The following SNX8 variants were observed in gnomAD, a reference collection of about 807,000 sequenced individuals.
SNX8 encodes sorting nexin-8.
Under a neutral mutation model 51.6 loss-of-function variants are expected in SNX8, and 25 were observed. That is an observed-to-expected ratio of 0.48 (90% CI 0.35 to 0.68). The LOEUF is 0.68. Ranked by LOEUF, SNX8 falls within the 30% of genes least tolerant of loss-of-function variation. SNX8 has a pLI of 0.00. For synonymous variants in SNX8, 324 were observed against 277.0 expected, an observed-to-expected ratio of 1.17 and a Z score of -1.68; for missense variants, 695 against 624.0, an observed-to-expected ratio of 1.11 and a Z score of -1.21.
intron 1 of SNX8, among the ~76,000 whole-genome samples, chr7:2,352,961 G>A (rs1028607784): frequency 6.6e-6 from 1 of 152,174 alleles, no homozygotes; most frequent in Non-Finnish European, 1.5e-5. Flanking sequence ...CCTGGTACTA[G>A]GCATGGGAAG....
intron 1 of SNX8, among the ~76,000 whole-genome samples, chr7:2,340,852 T>C (rs1161495514): frequency 2.3e-5 from 2 of 88,114 alleles, no homozygotes; most frequent in Non-Finnish European, 4.4e-5. Context: ...GGGAGGCTGC[T>C]TCTCAAAAAA....
rs551426205 is a variant in SNX8, at chr7:2,264,218, C to T, written c.782+80G>A. ...AGGATGCTGGTTATTACGGTAAACG[C>T]ACTTTCCGCCCAAGCCCTTCACCAG... On this transcript the variant is annotated intron_variant, in intron 6 of 10. Coordinates refer to ENST00000222990, the MANE Select transcript of SNX8 (RefSeq NM_013321.4). 5 of 1,405,148 alleles carry T rather than the reference C, an allele frequency of 3.6e-6. No individual in the cohort carries two copies. The East Asian group carries it at 1.2e-4, about 33-fold the overall frequency. 87.0% of individuals were successfully genotyped at this position (1,405,148 alleles called of 1,614,324 possible).
At chr7:2,303,213 GC>G (rs1283025632) in intron 1 of SNX8, among the ~76,000 whole-genome samples, 2 of 128,624 alleles carry the variant, frequency 1.6e-5, no homozygotes, top group African/African-American at 6.1e-5. Flanking sequence ...CCGGCCAGCC[GC>G]CCCGTCCAGG....
At chr7:2,328,359 T>C (rs185167760) in intron 1 of SNX8, among the ~76,000 whole-genome samples, 132 of 151,942 alleles carry the variant, frequency 8.7e-4, no homozygotes, top group African/African-American at 2.9e-3. Flanking sequence ...GCCTGGCCTG[T>C]TTTTTTATTT....
At position 2,269,599 on chromosome 7, in the gene SNX8, C is replaced by G. The variant is rs1795593471; in HGVS notation, c.581G>C (p.Gly194Ala). 1 of 1,602,128 alleles carries G rather than the reference C, an allele frequency of 6.2e-7. No homozygotes were observed. The highest frequency in any genetic ancestry group is 1.1e-5 in the South Asian group (1 of 89,062). ...CAGCTTACAGTTCAGGAATTCGTCCCCGACGCACTGTGCTGACTCCTTTAA... is the reference window on the plus strand; with the variant it reads ...CAGCTTACAGTTCAGGAATTCGTCCGCGACGCACTGTGCTGACTCCTTTAA... ...NKLKESAQCV[G>A]DEFLNCKLAT... Residue 194 changes from glycine to alanine, a missense_variant, in exon 5 of 11, where the codon GGG (glycine) becomes GCG (alanine). By Grantham distance (60) the Gly-to-Ala change is moderately conservative. Transcript: ENST00000222990.
intron 1 of SNX8, among the ~76,000 whole-genome samples, chr7:2,330,400 G>T (rs1172539712): frequency 6.6e-6 from 1 of 152,056 alleles, no homozygotes; most frequent in Non-Finnish European, 1.5e-5. Context: ...GGCCTCCAAA[G>T]TGCTGGGATT....
intron 5 of SNX8, among the ~76,000 whole-genome samples, chr7:2,266,185 G>A (rs953048654): frequency 1.3e-5 from 2 of 152,010 alleles, no homozygotes; most frequent in Non-Finnish European, 2.9e-5. Context: ...TTTTTTTGTT[G>A]TTGTTGTTGT....
upstream of SNX8, chr7:2,354,364 A>G (rs368241000): frequency 1.6e-4 from 24 of 152,052 alleles, no homozygotes; most frequent in Admixed American, 5.2e-4. Context: ...GACAGGGGGG[A>G]CTTTAGTAAC....
chr7:2,352,265 G>A (rs998498547), intron 1 of SNX8, among the ~76,000 whole-genome samples: 1 of 151,814 alleles, frequency 6.6e-6, no homozygotes, highest in East Asian at 1.9e-4. Flanking sequence ...GTCCACTCTC[G>A]TCCACTTTGA....
chr7:2,326,889 T>C (rs929481828), intron 1 of SNX8, among the ~76,000 whole-genome samples: 1 of 152,102 alleles, frequency 6.6e-6, no homozygotes, highest in Non-Finnish European at 1.5e-5. Flanking sequence ...GCAGATCACT[T>C]GAGCTCATAA....
At chr7:2,343,347 T>C (rs904858431) in intron 1 of SNX8, among the ~76,000 whole-genome samples, 2 of 151,978 alleles carry the variant, frequency 1.3e-5, no homozygotes, top group African/African-American at 2.4e-5. Context: ...TTTTAACATA[T>C]ACAAAGTTTA....
chr7:2,349,818 A>G (rs1779104511), intron 1 of SNX8, among the ~76,000 whole-genome samples: 1 of 151,792 alleles, frequency 6.6e-6, no homozygotes, highest in Non-Finnish European at 1.5e-5. Context: ...CTGCAGCCTC[A>G]ACCTTCCAGG....
chr7:2,325,132 C>G (rs563217585), intron 1 of SNX8, among the ~76,000 whole-genome samples: 79 of 152,292 alleles, frequency 5.2e-4, no homozygotes, highest in Non-Finnish European at 5.4e-4. Context: ...ATGCCTGGCC[C>G]ACTGCTTTTA....
Position 2,263,350 on chromosome 7 carries a change from A to C in SNX8, c.795T>G (p.Ser265=), listed in dbSNP as rs1419600623. The change falls in exon 7 of 11, where the codon TCT becomes TCG. Residue 265 remains serine (S), a synonymous_variant. Coordinates refer to ENST00000222990, the MANE Select transcript of SNX8 (RefSeq NM_013321.4). ...CCCAGGAGGGCAGCGGGGTCGTGTC[A>C]GACCCTATTGCACTGAGGGAGCAAG... ...IFGKELSAIG[S]DTTPLPSWAA... 1.2e-6 allele frequency: 2 copies of C among 1,604,076 alleles called. No individual in the cohort carries two copies. The highest frequency in any genetic ancestry group is 4.5e-5 in the East Asian group (2 of 44,490).
At chr7:2,346,122 C>T (rs1425358810) in intron 1 of SNX8, among the ~76,000 whole-genome samples, 1 of 152,050 alleles carries the variant, frequency 6.6e-6, no homozygotes, top group Non-Finnish European at 1.5e-5. Context: ...CTTATAATAG[C>T]ATATGGGTCT....
At chr7:2,303,122 C>A (rs1354753698) in intron 1 of SNX8, among the ~76,000 whole-genome samples, 2 of 148,454 alleles carry the variant, frequency 1.3e-5, no homozygotes, top group South Asian at 2.2e-4. Context: ...GTCAGCCCCC[C>A]GCCCGGCCAG....
chr7:2,262,370 C>T (rs1391894414), intron 7 of SNX8, among the ~76,000 whole-genome samples: 1 of 152,034 alleles, frequency 6.6e-6, no homozygotes, highest in Non-Finnish European at 1.5e-5. Context: ...ATAAAAGCAC[C>T]CAGATGAGCT....
At position 2,305,663 on chromosome 7, in the gene SNX8, C is replaced by T. The variant is rs988362249; in HGVS notation, c.94+8665G>A. On this transcript the variant is annotated intron_variant, in intron 1 of 10. Coordinates refer to ENST00000222990, the MANE Select transcript of SNX8 (RefSeq NM_013321.4). ...ACAGGCGTGAGCCACCATGCCCGGC[C>T]TGTATTGTATTATTTTGTATTATTA... Among the ~76,000 whole-genome samples, 3 of 152,036 alleles carry T rather than the reference C, an allele frequency of 2.0e-5. No homozygotes were observed. The East Asian group carries it at 5.8e-4, about 29-fold the overall frequency.
At chr7:2,314,185 G>C in intron 1 of SNX8, 143 bp downstream of exon 1, 2 of 896,920 alleles carry the variant, frequency 2.2e-6, no homozygotes, top group Non-Finnish European at 2.9e-6. Context: ...GGACCTCCGA[G>C]GGACTGGGGC....
Sources: allele counts gnomAD v4.1 joint callset (sites outside exome capture counted in the v4.1 genomes callset), GRCh38; gene constraint gnomAD v4.1.1; transcripts MANE v1.5; gene names NCBI Gene and HGNC (gene_info 2026-07-23, HGNC 2026-07-21).